Variants in ERBIN observed in about 807,000 individuals in gnomAD.
The protein encoded by ERBIN is densin-180-like protein.
ERBIN carries 60 observed loss-of-function variants against 158.4 expected under a neutral mutation model. The observed-to-expected ratio is 0.38, with a 90% CI of 0.31 to 0.47. The LOEUF is 0.47. Ranked by LOEUF, ERBIN falls within the 20% of genes least tolerant of loss-of-function variation. ERBIN has a pLI of 0.99. For missense variants in ERBIN, 1,610 were observed against 1,648.0 expected, an observed-to-expected ratio of 0.98 and a Z score of 0.40; for synonymous variants, 594 against 557.2, an observed-to-expected ratio of 1.07 and a Z score of -0.93.
At chr5:66,006,778 C>G (rs1753649334) in intron 4 of ERBIN, among the ~76,000 whole-genome samples, 1 of 152,098 alleles carries the variant, frequency 6.6e-6, no homozygotes, top group African/African-American at 2.4e-5. Flanking sequence ...AGCCAAAAAA[C>G]ACATGAAAAA....
intron 1 of ERBIN, among the ~76,000 whole-genome samples, chr5:65,978,759 TG>T (rs771288928): frequency 3.1e-4 from 47 of 152,312 alleles, no homozygotes; most frequent in Non-Finnish European, 5.1e-4. Context: ...GCATGATGCT[TG>T]GGTCTGTCCC....
rs34441278 is a variant in ERBIN, at chr5:66,078,307, GTTATT to G, written c.4132-112_4132-108del. 3,641 of 677,320 alleles carry G rather than the reference GTTATT, an allele frequency of 5.4e-3. 104 individuals carry two copies. In the African/African-American group the frequency reaches 0.062, roughly 12 times the overall value. The allele number at this position is 677,320 out of a possible 1,614,324, so 42.0% of individuals were successfully genotyped here. ...TTGGGTAGGGCCTGTGAATCTGTAT[GTTATT>G]TTAAGTTGCCAAAGTGATTCTTATT... On this transcript the variant is annotated intron_variant, in intron 25 of 25. Coordinates refer to ENST00000284037, the MANE Select transcript of ERBIN (RefSeq NM_001253697.2).
chr5:66,043,337 AT>A (rs1333891135), intron 16 of ERBIN, 139 bp downstream of exon 16: 1 of 780,782 alleles, frequency 1.3e-6, no homozygotes, highest in African/African-American at 1.8e-5. Flanking sequence ...AGTGTTATTG[AT>A]TCCAAATATT....
intron 3 of ERBIN, 140 bp from the exon 4 acceptor site, chr5:65,994,607 A>G (rs1183587394): frequency 3.6e-6 from 2 of 557,928 alleles, no homozygotes; most frequent in Non-Finnish European, 6.4e-6. Flanking sequence ...TAATAGCATA[A>G]CCAGAACAAT....
At chr5:65,962,499 T>C (rs7717876) in intron 1 of ERBIN, among the ~76,000 whole-genome samples, 6,108 of 152,280 alleles carry the variant, frequency 0.04, 415 homozygotes, top group African/African-American at 0.14. Flanking sequence ...TCTGCCTAAA[T>C]CTCCGTAGCT....
chr5:66,002,013 G>A (rs1025481685), intron 4 of ERBIN, among the ~76,000 whole-genome samples: 1 of 151,814 alleles, frequency 6.6e-6, no homozygotes, highest in Non-Finnish European at 1.5e-5. Flanking sequence ...CCCTCCCTGC[G>A]TCCATGTATT....
chr5:65,994,749 A>G lies in ERBIN; in HGVS notation c.192A>G (p.Gln64=), dbSNP rs764743869. 4.0e-5 allele frequency: 63 copies of G among 1,567,688 alleles called. No homozygotes were observed. The highest frequency in any genetic ancestry group is 1.7e-4 in the Middle Eastern group (1 of 5,970). Residue 64 remains glutamine, a splice_region_variant and synonymous_variant, in exon 4 of 26, where the codon CAA becomes CAG. Coordinates refer to ENST00000284037, the MANE Select transcript of ERBIN (RefSeq NM_001253697.2). The part of the protein sequence containing the change: ...DANQIEELPK[Q]LFNCQSLHKL... ...TCTTTCCTCCCTTTTTTCAATAGCAACTTTTTAACTGTCAGTCTTTACACA... is the reference window on the plus strand; with the variant it reads ...TCTTTCCTCCCTTTTTTCAATAGCAGCTTTTTAACTGTCAGTCTTTACACA...
intron 1 of ERBIN, among the ~76,000 whole-genome samples, chr5:65,965,304 A>G (rs370571121): frequency 1.3e-5 from 2 of 149,456 alleles, no homozygotes; most frequent in South Asian, 2.1e-4. Context: ...ACATCCAGGC[A>G]TTTATACCTT....
At chr5:65,993,740 T>A (rs1752133259) in intron 3 of ERBIN, among the ~76,000 whole-genome samples, 1 of 152,152 alleles carries the variant, frequency 6.6e-6, no homozygotes, top group South Asian at 2.1e-4. Flanking sequence ...AACTATAAAT[T>A]TGGACTGCGA....
In ERBIN at chr5:66,028,794, A is replaced by G. The variant is rs377202432; in HGVS notation, c.1206+451A>G. On this transcript the variant is annotated intron_variant, in intron 14 of 25. Coordinates refer to ENST00000284037, the MANE Select transcript of ERBIN (RefSeq NM_001253697.2). ...CCCTTTGACCAATATATCCCAATCC[A>G]TGTTCCAGCCCACCCCGCCAGCCCC... Among the ~76,000 whole-genome samples the G allele has an allele frequency of 3.9e-5, 6 of 152,152 alleles. No homozygotes were observed. In the South Asian group the frequency reaches 6.2e-4, roughly 16 times the overall value.
intron 1 of ERBIN, among the ~76,000 whole-genome samples, chr5:65,968,054 ATTTTGT>A (rs531486906): frequency 1.1e-4 from 17 of 152,286 alleles, no homozygotes; most frequent in Admixed American, 2.6e-4. Flanking sequence ...CTTCTGTTAT[ATTTTGT>A]TTTTAAGAAG....
At chr5:65,957,079 C>A (rs1241165800) in intron 1 of ERBIN, among the ~76,000 whole-genome samples, 1 of 151,908 alleles carries the variant, frequency 6.6e-6, no homozygotes, top group Non-Finnish European at 1.5e-5. Flanking sequence ...TATTTAGCAC[C>A]CTCTCCCATT....
intron 17 of ERBIN, among the ~76,000 whole-genome samples, chr5:66,044,829 C>G (rs1285429271): frequency 7.0e-4 from 107 of 152,060 alleles, no homozygotes; most frequent in African/African-American, 2.6e-3. Flanking sequence ...GTTATCCCAG[C>G]ACTTTGGGAG....
intron 21 of ERBIN, among the ~76,000 whole-genome samples, chr5:66,061,236 G>T (rs985604422): frequency 2.8e-4 from 42 of 151,918 alleles, no homozygotes; most frequent in African/African-American, 9.7e-4. Context: ...CTCCTGTATT[G>T]GGTGCATATA....
At chr5:65,999,998 ATAAAT>A (rs1382844234) in intron 4 of ERBIN, among the ~76,000 whole-genome samples, 1 of 152,182 alleles carries the variant, frequency 6.6e-6, no homozygotes, top group Non-Finnish European at 1.5e-5. Flanking sequence ...ATGTTGACAG[ATAAAT>A]TAATCCAGAG....
chr5:65,952,162 C>G (rs1177016039), intron 1 of ERBIN, among the ~76,000 whole-genome samples: 1 of 152,040 alleles, frequency 6.6e-6, no homozygotes, highest in African/African-American at 2.4e-5. Context: ...ATTTTTATAT[C>G]TGTTATATTT....
rs539105016 is a variant in ERBIN at position 66,080,813 on chromosome 5, A to G, written c.*2283A>G. The G allele has an allele frequency of 7.9e-5, 12 of 152,220 alleles. No homozygotes were observed. The highest frequency in any genetic ancestry group is 7.8e-4 in the Admixed American group (12 of 15,302). The allele number at this position is 152,220 out of a possible 1,614,324, so 9.4% of individuals were successfully genotyped here. ...TATAAATGCAACAGATGTTATATGCACTGGCATTTTATCCTACTCTAGTTA... is the reference window on the plus strand; with the variant it reads ...TATAAATGCAACAGATGTTATATGCGCTGGCATTTTATCCTACTCTAGTTA... On this transcript the variant is annotated 3_prime_UTR_variant, in exon 26 of 26. Transcript: ENST00000284037.
chr5:65,970,880 A>C (rs555974528), intron 1 of ERBIN, among the ~76,000 whole-genome samples: 1 of 152,174 alleles, frequency 6.6e-6, no homozygotes, highest in African/African-American at 2.4e-5. Flanking sequence ...CTGGGTGGCT[A>C]TCATGTTTTA....
intron 1 of ERBIN, among the ~76,000 whole-genome samples, chr5:65,977,776 A>G (rs1459323647): frequency 6.6e-6 from 1 of 152,188 alleles, no homozygotes; most frequent in Non-Finnish European, 1.5e-5. Context: ...AGAGGCTGCA[A>G]TCTCGGCACT....
Sources: gnomAD v4.1 joint callset for allele counts (sites outside exome capture counted in the v4.1 genomes callset) on GRCh38, gnomAD v4.1.1 for gene constraint, MANE v1.5 for transcripts, NCBI Gene and HGNC (gene_info 2026-07-23, HGNC 2026-07-21) for gene names.